Variants in DYM observed in about 807,000 individuals in gnomAD.
DYM encodes dymeclin.
DYM carries 78 observed loss-of-function variants against 93.1 expected under a neutral mutation model. The observed-to-expected ratio is 0.84, with a 90% CI of 0.70 to 1.01. DYM has a LOEUF of 1.01. Ranked by LOEUF, DYM falls within the 50% of genes least tolerant of loss-of-function variation. DYM has a pLI of 0.00. For synonymous variants in DYM, 321 were observed against 319.7 expected, an observed-to-expected ratio of 1.00 and a Z score of -0.04; for missense variants, 789 against 845.0, an observed-to-expected ratio of 0.93 and a Z score of 0.82.
chr18:49,152,902 G>A (rs1252025156), intron 15 of DYM, among the ~76,000 whole-genome samples: 1 of 152,136 alleles, frequency 6.6e-6, no homozygotes, highest in Non-Finnish European at 1.5e-5. Flanking sequence ...TCACTTAGAT[G>A]TGAAATCCAA....
At chr18:49,188,225 C>T (rs1252281455) in intron 14 of DYM, among the ~76,000 whole-genome samples, 1 of 152,146 alleles carries the variant, frequency 6.6e-6, no homozygotes, top group Non-Finnish European at 1.5e-5. Context: ...GAAGGCATTT[C>T]AAATTAACAC....
At position 49,293,678 on chromosome 18, in the gene DYM, T is replaced by A. The variant is rs143150780; in HGVS notation, c.764-7062A>T. Among the ~76,000 whole-genome samples the A allele has an allele frequency of 5.4e-3, 829 of 152,326 alleles. 15 individuals carry two copies. The highest frequency in any genetic ancestry group is 0.019 in the African/African-American group (799 of 41,560). On this transcript the variant is annotated intron_variant, in intron 8 of 17. Transcript: ENST00000675505. ...TTTTTGATGGGGTTGTTTGCTTTTT[T>A]TCTTGTAAATTTAAGTTCTTGTAGA...
At chr18:49,059,540 T>C (rs2075778344) in intron 17 of DYM, among the ~76,000 whole-genome samples, 1 of 152,238 alleles carries the variant, frequency 6.6e-6, no homozygotes, top group South Asian at 2.1e-4. Flanking sequence ...GCTGTGACTG[T>C]ACCAGGACCC....
intron 13 of DYM, among the ~76,000 whole-genome samples, chr18:49,247,958 G>T (rs2094206337): frequency 6.6e-6 from 1 of 152,214 alleles, no homozygotes; most frequent in African/African-American, 2.4e-5. Flanking sequence ...CAGGAAGCCA[G>T]ATTTTCAAGA....
intron 17 of DYM, among the ~76,000 whole-genome samples, chr18:49,071,246 GC>G (rs1385297666): frequency 6.6e-6 from 1 of 152,220 alleles, no homozygotes; most frequent in African/African-American, 2.4e-5. Flanking sequence ...TGATTTGAAT[GC>G]TTTCATTAGT....
chr18:49,300,705 G>C (rs77228739), intron 8 of DYM, among the ~76,000 whole-genome samples: 14,416 of 152,000 alleles, frequency 0.095, 884 homozygotes, highest in East Asian at 0.31. Context: ...AATATAAACC[G>C]AATTACAGCA....
chr18:49,424,956 T>C (rs1314215809), intron 2 of DYM, among the ~76,000 whole-genome samples: 1 of 152,038 alleles, frequency 6.6e-6, no homozygotes, highest in African/African-American at 2.4e-5. Context: ...ATCGTGAAAA[T>C]GGCCATACTG....
intron 13 of DYM, among the ~76,000 whole-genome samples, chr18:49,211,737 A>G (rs897027807): frequency 4.6e-5 from 7 of 152,200 alleles, no homozygotes; most frequent in South Asian, 2.1e-4. Flanking sequence ...GGAGCTTACA[A>G]CCTAGAGCAG....
chr18:49,072,388 A>C (rs970699567), intron 17 of DYM, among the ~76,000 whole-genome samples: 12 of 152,240 alleles, frequency 7.9e-5, no homozygotes, highest in African/African-American at 2.9e-4. Flanking sequence ...CAACATAAAA[A>C]AAAAATCCCA....
At position 49,304,995 on chromosome 18, in the gene DYM, C is replaced by T. The variant is rs559975342; in HGVS notation, c.764-18379G>A. On this transcript the variant is annotated intron_variant, in intron 8 of 17. Transcript: ENST00000675505. ...ACTACAATTCTGAATTCATGCATTC[C>T]ACTCCCTGACTACCACTTCCCAGCA... is the stretch of plus-strand genomic sequence containing the variant. 2.5e-4 allele frequency among the ~76,000 whole-genome samples: 38 copies of T among 152,226 alleles called. No homozygotes were observed. In the South Asian group the frequency reaches 6.0e-3, roughly 24 times the overall value.
chr18:49,270,565 A>T (rs1736877484), intron 11 of DYM, among the ~76,000 whole-genome samples: 1 of 152,158 alleles, frequency 6.6e-6, no homozygotes, highest in South Asian at 2.1e-4. Flanking sequence ...GGAGAGTATC[A>T]TTGCTCTTGC....
intron 8 of DYM, among the ~76,000 whole-genome samples, chr18:49,317,110 C>T (rs1444808041): frequency 6.6e-6 from 1 of 152,124 alleles, no homozygotes; most frequent in Non-Finnish European, 1.5e-5. Flanking sequence ...AAATGTAGTA[C>T]ACTAATGGAA....
intron 14 of DYM, among the ~76,000 whole-genome samples, chr18:49,195,916 C>CTTTTTTTTTTTTTTTTTTTTTTTTTT (rs540189318): frequency 2.4e-5 from 2 of 84,038 alleles, no homozygotes; most frequent in African/African-American, 1.1e-4. Context: ...ATGCTACCAT[C>CTTTTTTTTTTTTTTTTTTTTTTTTTT]TTTTTTTTTT....
intron 8 of DYM, among the ~76,000 whole-genome samples, chr18:49,303,937 T>C (rs1461375742): frequency 6.6e-6 from 1 of 152,188 alleles, no homozygotes; most frequent in African/African-American, 2.4e-5. Flanking sequence ...ATGCATGCAG[T>C]GCTTGTTTGT....
intron 8 of DYM, among the ~76,000 whole-genome samples, chr18:49,304,770 CTG>C (rs2061171228): frequency 6.6e-6 from 1 of 152,022 alleles, no homozygotes; most frequent in South Asian, 2.1e-4. Context: ...TTCTGATAAT[CTG>C]AGCACCTAGC....
intron 1 of DYM, among the ~76,000 whole-genome samples, chr18:49,435,812 C>T (rs2080811521): frequency 6.6e-6 from 1 of 151,894 alleles, no homozygotes; most frequent in Non-Finnish European, 1.5e-5. Context: ...AACAAACAAA[C>T]AAAAAAGAAT....
intron 15 of DYM, among the ~76,000 whole-genome samples, chr18:49,156,938 G>C (rs1285617791): frequency 6.6e-6 from 1 of 151,858 alleles, no homozygotes; most frequent in Non-Finnish European, 1.5e-5. Context: ...CTAAAGTGGG[G>C]TGCCTGGCAC....
At chr18:49,209,741 A>G (rs1320451024) in intron 13 of DYM, 26 bp from the exon 14 acceptor site, 1 of 1,209,854 alleles carries the variant, frequency 8.3e-7, no homozygotes, top group Non-Finnish European at 1.1e-6. Flanking sequence ...AAAAGGAGAG[A>G]AACAGAAAGA....
At chr18:49,431,854 C>A (rs2080349192) in intron 1 of DYM, 1 of 145,162 alleles carries the variant, frequency 6.9e-6, no homozygotes, top group African/African-American at 2.9e-5. Context: ...TCTTCTGAAT[C>A]TGAGATAGAA....
Sources: allele counts gnomAD v4.1 joint callset (sites outside exome capture counted in the v4.1 genomes callset), GRCh38; gene constraint gnomAD v4.1.1; transcripts MANE v1.5; gene names NCBI Gene and HGNC (gene_info 2026-07-23, HGNC 2026-07-21).